Variants in AKAP7 observed in about 807,000 individuals in gnomAD.
AKAP7 encodes the protein A kinase (PRKA) anchor protein 7.
In AKAP7, 39 loss-of-function variants were observed where a neutral mutation model predicts 39.5. That is an observed-to-expected ratio of 0.99 (90% confidence interval 0.76 to 1.29). The LOEUF (loss-of-function observed/expected upper bound fraction) is 1.29. AKAP7 is among the 50% of genes most tolerant of loss of function. AKAP7 has a pLI of 0.00. For synonymous variants in AKAP7, 140 were observed against 139.1 expected, an observed-to-expected ratio of 1.01 and a Z score of -0.05; for missense variants, 414 against 407.7, an observed-to-expected ratio of 1.02 and a Z score of -0.13.
intron 6 of AKAP7, among the ~76,000 whole-genome samples, chr6:131,216,757 T>C (rs949964512): frequency 5.3e-5 from 8 of 152,212 alleles, no homozygotes; most frequent in African/African-American, 1.7e-4. Flanking sequence ...CGTTGCATAA[T>C]TGAAATGTCA....
At chr6:131,266,801 A>G (rs781648547) in intron 7 of AKAP7, among the ~76,000 whole-genome samples, 5 of 152,028 alleles carry the variant, frequency 3.3e-5, no homozygotes, top group Non-Finnish European at 7.4e-5. Context: ...TTTTGTTGTA[A>G]TGATTAATCA....
intron 6 of AKAP7, among the ~76,000 whole-genome samples, chr6:131,218,630 G>C (rs1809417877): frequency 6.6e-6 from 1 of 152,300 alleles, no homozygotes; most frequent in Admixed American, 6.5e-5. Flanking sequence ...CTGAGGCTGA[G>C]TTGCAGGGCC....
rs555224411 is a variant in AKAP7 at position 131,281,967 on chromosome 6, G to A, written c.*241G>A. On this transcript the variant is annotated 3_prime_UTR_variant, in exon 8 of 8. Transcript: ENST00000431975. The surrounding 1 kb of genome is among the most constrained non-coding windows in gnomAD (Gnocchi z 4.0). ...AAGAAGAATGGCCCAAGTTTCATTC[G>A]CCCTCAGCCACGCACAAGGGAAAGG... The A allele has an allele frequency of 8.3e-5, 100 of 1,200,760 alleles. No homozygotes were observed. The highest frequency in any genetic ancestry group is 1.1e-4 in the African/African-American group (7 of 63,798). The allele number at this position is 1,200,760 out of a possible 1,614,324, so 74.4% of individuals were successfully genotyped here.
chr6:131,249,316 A>G (rs537209183), intron 7 of AKAP7, among the ~76,000 whole-genome samples: 33 of 152,274 alleles, frequency 2.2e-4, no homozygotes, highest in African/African-American at 7.9e-4. Context: ...AGCATTGAAA[A>G]CAGATACTAG....
intron 5 of AKAP7, among the ~76,000 whole-genome samples, chr6:131,175,194 G>C (rs568456598): frequency 6.6e-6 from 1 of 152,290 alleles, no homozygotes; most frequent in African/African-American, 2.4e-5. Flanking sequence ...TTCACATTGA[G>C]TGGACTGAGG....
intron 2 of AKAP7, among the ~76,000 whole-genome samples, chr6:131,148,350 C>G (rs1005413935): frequency 1.3e-5 from 2 of 152,228 alleles, no homozygotes; most frequent in Non-Finnish European, 2.9e-5. Context: ...ATTGAAAATT[C>G]CAGGCTCCAA....
At chr6:131,153,616 A>G (rs1802138820) in intron 2 of AKAP7, among the ~76,000 whole-genome samples, 1 of 152,144 alleles carries the variant, frequency 6.6e-6, no homozygotes, top group Admixed American at 6.5e-5. Context: ...GTTTAGTATT[A>G]AATAGATAAG....
chr6:131,235,436 G>C (rs1484480326), intron 7 of AKAP7, among the ~76,000 whole-genome samples: 1 of 152,200 alleles, frequency 6.6e-6, no homozygotes, highest in Admixed American at 6.5e-5. Flanking sequence ...TAATGGGATG[G>C]CTGGGTCAAA....
Position 131,241,506 on chromosome 6 carries a change from G to T in AKAP7, c.850+21698G>T, listed in dbSNP as rs147695753. Among the ~76,000 whole-genome samples, 160 of 151,500 alleles carry T rather than the reference G, an allele frequency of 1.1e-3. 1 individual carries two copies. The highest frequency in any genetic ancestry group is 3.6e-3 in the African/African-American group (149 of 41,264). ...AAGAAGATGATGAGTTCAGTTTTGGGCATATGAAAGCAGCTGTGGCCCAAT... is the reference window on the plus strand; with the variant it reads ...AAGAAGATGATGAGTTCAGTTTTGGTCATATGAAAGCAGCTGTGGCCCAAT... On this transcript the variant is annotated intron_variant, in intron 7 of 7. Transcript: ENST00000431975.
At chr6:131,262,728 T>C (rs948853810) in intron 7 of AKAP7, among the ~76,000 whole-genome samples, 121 of 152,322 alleles carry the variant, frequency 7.9e-4, no homozygotes, top group African/African-American at 2.8e-3. Context: ...ATTTGAAAAC[T>C]AATCTTTCAA....
intron 7 of AKAP7, among the ~76,000 whole-genome samples, chr6:131,241,159 G>C (rs942503002): frequency 1.2e-4 from 19 of 152,264 alleles, no homozygotes; most frequent in Non-Finnish European, 8.8e-5. Context: ...ACACTCTGCT[G>C]GTACAGTATA....
chr6:131,229,466 A>C (rs1391782729), intron 7 of AKAP7, among the ~76,000 whole-genome samples: 1 of 152,134 alleles, frequency 6.6e-6, no homozygotes, highest in Non-Finnish European at 1.5e-5. Flanking sequence ...CTCCTGCCTC[A>C]GCCTCCCAAG....
intron 7 of AKAP7, among the ~76,000 whole-genome samples, chr6:131,244,987 A>G (rs1225132066): frequency 1.3e-5 from 2 of 152,216 alleles, no homozygotes; most frequent in African/African-American, 4.8e-5. Flanking sequence ...TGACTAAAGT[A>G]GGAGTAATGG....
chr6:131,168,223 A>G (rs1886075), intron 4 of AKAP7, among the ~76,000 whole-genome samples: 125,121 of 152,008 alleles, frequency 0.82, 51,717 homozygotes, highest in East Asian at 0.95. Flanking sequence ...ACCAGCTTTC[A>G]CAGCATAGGG....
At chr6:131,222,848 G>A (rs1585121956) in intron 7 of AKAP7, among the ~76,000 whole-genome samples, 1 of 152,302 alleles carries the variant, frequency 6.6e-6, no homozygotes, top group East Asian at 1.9e-4. Flanking sequence ...AGCATTCCAT[G>A]CTACAGAGAA....
chr6:131,237,057 C>T (rs973570136), intron 7 of AKAP7, among the ~76,000 whole-genome samples: 3 of 152,032 alleles, frequency 2.0e-5, no homozygotes, highest in African/African-American at 4.8e-5. Flanking sequence ...ATAGATGGCT[C>T]TTATTATTTT....
At position 131,160,109 on chromosome 6, in the gene AKAP7, G is replaced by T; in HGVS notation, c.202G>T (p.Val68Phe). 6.2e-7 allele frequency: 1 copy of T among 1,611,166 alleles called. No individual in the cohort carries two copies. Among genetic ancestry groups the T allele is most frequent in the Non-Finnish European group, 8.5e-7 (1 of 1,179,246 alleles). Residue 68 changes from valine to phenylalanine, a missense_variant, in exon 3 of 8, where the codon GTC (valine) becomes TTC (phenylalanine). Coordinates refer to ENST00000431975, the MANE Select transcript of AKAP7 (RefSeq NM_016377.4). ...NLKRSQENEW[V>F]KSDQVKKRKK... ...GAAGAGAAGTCAAGAAAATGAATGGGTCAAGAGTGATCAAGTAAAGAAGAG... is the reference window on the plus strand; with the variant it reads ...GAAGAGAAGTCAAGAAAATGAATGGTTCAAGAGTGATCAAGTAAAGAAGAG...
At position 131,282,396 on chromosome 6, in the gene AKAP7, TAGGC is replaced by T; in HGVS notation, c.*672_*675del. ...ATGTTATTATATAATTTTTTTTTCT[TAGGC>T]AAGAAACCTATTGGAATTCGAGACT... On this transcript the variant is annotated 3_prime_UTR_variant, in exon 8 of 8. Transcript: ENST00000431975. 1 of 1,452,134 alleles carries T rather than the reference TAGGC, an allele frequency of 6.9e-7. No individual in the cohort carries two copies. Among genetic ancestry groups the T allele is most frequent in the Non-Finnish European group, 9.0e-7 (1 of 1,105,602 alleles). 90.0% of individuals were successfully genotyped at this position (1,452,134 alleles called of 1,614,324 possible).
chr6:131,145,583 C>G (rs1801419201), intron 2 of AKAP7, among the ~76,000 whole-genome samples, 167 bp downstream of exon 2: 1 of 152,162 alleles, frequency 6.6e-6, no homozygotes, highest in South Asian at 2.1e-4. Context: ...CAGTCTTGCT[C>G]TGTCATCTAG....
Sources: gnomAD v4.1 joint callset for allele counts (sites outside exome capture counted in the v4.1 genomes callset) on GRCh38, gnomAD v4.1.1 for gene constraint, Gnocchi (gnomAD v3.1) non-coding constraint, MANE v1.5 for transcripts, NCBI Gene and HGNC (gene_info 2026-07-23, HGNC 2026-07-21) for gene names.